The following ENAM variants were observed in gnomAD, a reference collection of about 807,000 sequenced individuals.
The protein encoded by ENAM is amelogenesis imperfecta 2, hypocalcification (autosomal dominant).
A neutral mutation model predicts 33.6 loss-of-function variants in ENAM; 21 were observed. The observed-to-expected ratio is 0.63, with a 90% CI of 0.44 to 0.90. ENAM has a LOEUF of 0.90. ENAM is among the 40% of genes least tolerant of loss of function. The pLI is 0.00. For missense variants in ENAM, 1,388 were observed against 1,366.9 expected, an observed-to-expected ratio of 1.02 and a Z score of -0.24; for synonymous variants, 473 against 468.4, an observed-to-expected ratio of 1.01 and a Z score of -0.13.
chr4:70,631,162 A>G (rs1408148879), intron 2 of ENAM, among the ~76,000 whole-genome samples: 1 of 152,206 alleles, frequency 6.6e-6, no homozygotes, highest in Non-Finnish European at 1.5e-5. Flanking sequence ...ATATAACAGA[A>G]TATTATCTAT....
Position 70,643,111 on chromosome 4 carries a change from C to G in ENAM, c.1685C>G (p.Ala562Gly). The change falls in exon 9 of 9, where the codon GCT (alanine) becomes GGT (glycine). Residue 562 changes from alanine to glycine, a missense_variant. Coordinates refer to ENST00000396073, the MANE Select transcript of ENAM (RefSeq NM_031889.3). ...TCTCCTGCAAAAGAACATTTTCCTG[C>G]TGGAAGAAATACTTGGGACCACCAA... ...IPSPAKEHFP[A>G]GRNTWDHQEI... The G allele has an allele frequency of 6.2e-7, 1 of 1,613,898 alleles. No homozygotes were observed. Among genetic ancestry groups the G allele is most frequent in the Non-Finnish European group, 8.5e-7 (1 of 1,179,988 alleles).
rs995622429 is a variant in ENAM at position 70,644,986 on chromosome 4, C to G, written c.*131C>G. The G allele has an allele frequency of 8.3e-5, 65 of 781,124 alleles. No individual in the cohort carries two copies. The African/African-American group carries it at 1.1e-3, about 13-fold the overall frequency. The allele number at this position is 781,124 out of a possible 1,614,324, so 48.4% of individuals were successfully genotyped here. A position where few individuals can be genotyped will look rare whatever the true frequency, so the allele number is the denominator to read the frequency against. ...TGGTGATCCTTAAGTTTTCTCCCCT[C>G]TCAGCAATAGGAGTAGCGACCCAGG... On this transcript the variant is annotated 3_prime_UTR_variant, in exon 9 of 9. Transcript: ENST00000396073.
chr4:70,643,742 C>A lies in ENAM; in HGVS notation c.2316C>A (p.Ala772=), dbSNP rs759376039. ...ATTCCTGGGACCACAGGATACAAGCCCAAGGGCAGAGAGAAAGAAGGCCGT... is the reference window on the plus strand; with the variant it reads ...ATTCCTGGGACCACAGGATACAAGCACAAGGGCAGAGAGAAAGAAGGCCGT... ...SRNSWDHRIQ[A]QGQRERRPYF... The change falls in exon 9 of 9, where the codon GCC becomes GCA. Residue 772 remains alanine (A), a synonymous_variant. Coordinates refer to ENST00000396073, the MANE Select transcript of ENAM (RefSeq NM_031889.3). 6.2e-7 allele frequency: 1 copy of A among 1,614,100 alleles called. No homozygotes were observed. Among genetic ancestry groups the A allele is most frequent in the Admixed American group, 1.7e-5 (1 of 60,018 alleles).
chr4:70,644,546 T>C lies in ENAM; in HGVS notation c.3120T>C (p.Asn1040=), dbSNP rs1322060010. Residue 1040 remains asparagine, a synonymous_variant, in exon 9 of 9, where the codon AAT becomes AAC. Coordinates refer to ENST00000396073, the MANE Select transcript of ENAM (RefSeq NM_031889.3). ...PEGIQSQVQE[N]ESERQQQRPS... Reference sequence around the variant, plus strand: ...GCATCCAAAGTCAAGTCCAAGAAAATGAGAGTGAGAGGCAACAGCAAAGAC... The same window carrying C: ...GCATCCAAAGTCAAGTCCAAGAAAACGAGAGTGAGAGGCAACAGCAAAGAC... 6.2e-7 allele frequency: 1 copy of C among 1,613,796 alleles called. No homozygotes were observed. The highest frequency in any genetic ancestry group is 8.5e-7 in the Non-Finnish European group (1 of 1,179,822).
intron 6 of ENAM, 109 bp from the exon 7 acceptor site, chr4:70,635,723 C>A: frequency 1.3e-6 from 1 of 743,772 alleles, no homozygotes; most frequent in Non-Finnish European, 2.4e-6. Flanking sequence ...GAGTTTAATG[C>A]AAAGGGAGAT....
intron 6 of ENAM, 51 bp from the exon 7 acceptor site, chr4:70,635,781 T>G: frequency 8.6e-7 from 1 of 1,160,786 alleles, no homozygotes; most frequent in Non-Finnish European, 1.3e-6. Flanking sequence ...CTTCATTTTT[T>G]TATGTATTCT....
At chr4:70,635,125 C>T (rs1248757963) in intron 6 of ENAM, among the ~76,000 whole-genome samples, 1 of 152,066 alleles carries the variant, frequency 6.6e-6, no homozygotes, top group Non-Finnish European at 1.5e-5. Context: ...ACTTGTAATC[C>T]CAACACTTTG....
intron 2 of ENAM, among the ~76,000 whole-genome samples, chr4:70,630,303 C>CTCCA (rs1290431295): frequency 6.6e-6 from 1 of 152,106 alleles, no homozygotes; most frequent in Non-Finnish European, 1.5e-5. Flanking sequence ...GAAGGGTGAG[C>CTCCA]ATTGGCTCCA....
At chr4:70,641,626 G>A (rs1738600055) in intron 8 of ENAM, among the ~76,000 whole-genome samples, 1 of 151,928 alleles carries the variant, frequency 6.6e-6, no homozygotes, top group South Asian at 2.1e-4. Flanking sequence ...CTGACCTCGT[G>A]ATCCACCTGT....
rs761253132 is a variant in ENAM, at chr4:70,644,188, A to T, written c.2762A>T (p.Asp921Val). The T allele has an allele frequency of 1.9e-6, 3 of 1,614,014 alleles. No individual in the cohort carries two copies. Among genetic ancestry groups the T allele is most frequent in the East Asian group, 4.5e-5 (2 of 44,894 alleles). ...GGTAGTCATACCAAGCAGACAAGAG[A>T]TATCATCTCCCCAACAAGCATCCTA... ...TDGSHTKQTR[D>V]IISPTSILPG... The change falls in exon 9 of 9, where the codon GAT becomes GTT. Residue 921 changes from aspartate to valine, a missense_variant. Physicochemically the swap from Asp to Val is radical, Grantham distance 152. Transcript: ENST00000396073.
chr4:70,632,274 A>G (rs1210396865), intron 4 of ENAM, among the ~76,000 whole-genome samples: 2 of 152,312 alleles, frequency 1.3e-5, no homozygotes, highest in South Asian at 4.1e-4. Flanking sequence ...AATTCAATAC[A>G]TATCAGAAAG....
At position 70,642,985 on chromosome 4, in the gene ENAM, T is replaced by A; in HGVS notation, c.1559T>A (p.Ile520Asn). The A allele has an allele frequency of 6.2e-7, 1 of 1,614,020 alleles. No individual in the cohort carries two copies. Among genetic ancestry groups the A allele is most frequent in the South Asian group, 1.1e-5 (1 of 91,072 alleles). Reference sequence around the variant, plus strand: ...CAAAGCCAGAATTTGCCCAAAGGGATTGTTTTAGGGTCAAGAAGGATGCCA... The same window carrying A: ...CAAAGCCAGAATTTGCCCAAAGGGAATGTTTTAGGGTCAAGAAGGATGCCA... ...QTQSQNLPKGIVLGSRRMPYE... is the reference protein window; with the variant it reads ...QTQSQNLPKGNVLGSRRMPYE... The change falls in exon 9 of 9, where the codon ATT becomes AAT. Residue 520 changes from isoleucine (I) to asparagine (N), a missense_variant. By Grantham distance (149) the Ile-to-Asn change is moderately radical (BLOSUM62 -3). Transcript: ENST00000396073.
rs755867673 is a variant in ENAM at position 70,644,558 on chromosome 4, G to A, written c.3132G>A (p.Arg1044=). The change falls in exon 9 of 9, where the codon AGG becomes AGA. Residue 1044 remains arginine (R), a synonymous_variant. Coordinates refer to ENST00000396073, the MANE Select transcript of ENAM (RefSeq NM_031889.3). ...QSQVQENESE[R]QQQRPSNILH... is the part of the protein sequence containing the mutation. ...AAGTCCAAGAAAATGAGAGTGAGAG[G>A]CAACAGCAAAGACCATCTAACATTC... The A allele has an allele frequency of 2.5e-6, 4 of 1,613,488 alleles. No individual in the cohort carries two copies. Among genetic ancestry groups the A allele is most frequent in the Non-Finnish European group, 2.5e-6 (3 of 1,179,602 alleles).
rs16845243 is a variant in ENAM, at chr4:70,638,069, A to C, written c.588+226A>C. 0.019 allele frequency among the ~76,000 whole-genome samples: 2,856 copies of C among 152,292 alleles called. 79 individuals are homozygous for C. The highest frequency in any genetic ancestry group is 0.053 in the African/African-American group (2,221 of 41,556). ...AGAGAAAGAAGTAAGAGTTTCTTAG[A>C]ATGTTATCCTCAAGAGGAAATTAAG... On this transcript the variant is annotated intron_variant, in intron 8 of 8. Transcript: ENST00000396073.
At position 70,634,372 on chromosome 4, in the gene ENAM, C is replaced by G. The variant is rs1170050226; in HGVS notation, c.275C>G (p.Pro92Arg). 6.2e-7 allele frequency: 1 copy of G among 1,614,004 alleles called. No homozygotes were observed. Among genetic ancestry groups the G allele is most frequent in the Admixed American group, 1.7e-5 (1 of 60,010 alleles). The change falls in exon 6 of 9, where the codon CCC (proline) becomes CGC (arginine). Residue 92 changes from proline (P) to arginine (R), a missense_variant. Pro to Arg is a moderately radical substitution (Grantham distance 103). Coordinates refer to ENST00000396073, the MANE Select transcript of ENAM (RefSeq NM_031889.3). The stretch of plus-strand genomic sequence containing the variant: ...CAGCAATTTCCACAGTACCAGATGC[C>G]CATGTGGCCTCAGCCACCACCCAAC... The part of the protein sequence containing the change: ...LPQQFPQYQM[P>R]MWPQPPPNTW...
chr4:70,634,409 AC>A lies in ENAM; in HGVS notation c.313del (p.Arg105GlyfsTer35), dbSNP rs1738398634. The stretch of plus-strand genomic sequence containing the variant: ...AGCCACCACCCAACACATGGCATCC[AC>A]GGAAATCCTCAGCACCCAAACGTCA... ...PQPPPNTWHP[R>X]KSSAPKRHNK... On this transcript the variant is annotated frameshift_variant, in exon 6 of 9. Transcript: ENST00000396073. LOFTEE classifies it high-confidence loss of function. The A allele has an allele frequency of 6.2e-7, 1 of 1,614,160 alleles. No individual in the cohort carries two copies. Among genetic ancestry groups the A allele is most frequent in the Non-Finnish European group, 8.5e-7 (1 of 1,180,010 alleles).
chr4:70,641,526 T>C (rs1419889344), intron 8 of ENAM, among the ~76,000 whole-genome samples: 1 of 151,854 alleles, frequency 6.6e-6, no homozygotes, highest in Admixed American at 6.6e-5. Context: ...TAACTGGGAC[T>C]ACAGGTGCGT....
At position 70,643,950 on chromosome 4, in the gene ENAM, G is replaced by A. The variant is rs751804121; in HGVS notation, c.2524G>A (p.Glu842Lys). 1 of 1,614,114 alleles carries A rather than the reference G, an allele frequency of 6.2e-7. No individual in the cohort carries two copies. Among genetic ancestry groups the A allele is most frequent in the South Asian group, 1.1e-5 (1 of 91,076 alleles). The change falls in exon 9 of 9, where the codon GAG (glutamate) becomes AAG (lysine). Residue 842 changes from glutamate to lysine, a missense_variant. Glu to Lys is a moderately conservative substitution (Grantham distance 56). Transcript: ENST00000396073. The part of the protein sequence containing the change: ...GMQITRMNSP[E>K]REHSSFPNFI... ...GCAAATAACTAGGATGAATTCTCCA[G>A]AGAGAGAACATTCATCTTTCCCTAA...
rs1560404953 is a variant in ENAM, at chr4:70,643,453, G to C, written c.2027G>C (p.Ser676Thr). The C allele has an allele frequency of 6.2e-7, 1 of 1,614,128 alleles. No homozygotes were observed. Among genetic ancestry groups the C allele is most frequent in the Admixed American group, 1.7e-5 (1 of 60,024 alleles). The change falls in exon 9 of 9, where the codon AGC becomes ACC. Residue 676 changes from serine to threonine, a missense_variant. Ser to Thr is a moderately conservative substitution (Grantham distance 58, BLOSUM62 1). Coordinates refer to ENST00000396073, the MANE Select transcript of ENAM (RefSeq NM_031889.3). ...PGQNRWGEEL[S>T]FKGGPTVRHY... ...CAAAATAGATGGGGTGAAGAGTTGAGCTTCAAAGGAGGCCCAACAGTTAGG... is the reference window on the plus strand; with the variant it reads ...CAAAATAGATGGGGTGAAGAGTTGACCTTCAAAGGAGGCCCAACAGTTAGG...
Sources: allele counts gnomAD v4.1 joint callset (sites outside exome capture counted in the v4.1 genomes callset), GRCh38; gene constraint gnomAD v4.1.1; transcripts MANE v1.5; gene names NCBI Gene and HGNC (gene_info 2026-07-23, HGNC 2026-07-21).